The following ATL2 variants were observed in gnomAD, a reference collection of about 807,000 sequenced individuals.
ATL2 encodes atlastin-2.
In ATL2, 31 loss-of-function variants were observed where a neutral mutation model predicts 73.9. That is an observed-to-expected ratio of 0.42 (90% confidence interval 0.32 to 0.57). The LOEUF (loss-of-function observed/expected upper bound fraction) is 0.57, where lower values mean the gene tolerates loss of function less well. Ranked by LOEUF, ATL2 falls within the 20% of genes least tolerant of loss-of-function variation. The probability of loss-of-function intolerance (pLI) is 0.14; values close to 1 mark genes in which losing one functional copy is unlikely to be tolerated. For synonymous variants in ATL2, 291 were observed against 237.5 expected (o/e 1.23, Z -2.07); for missense variants, 738 against 702.6 (o/e 1.05, Z -0.57).
intron 1 of ATL2, among the ~76,000 whole-genome samples, chr2:38,368,600 T>G (rs1671488112): frequency 6.6e-6 from 1 of 152,154 alleles, no homozygotes; most frequent in African/African-American, 2.4e-5. Context: ...AGACTAAGAC[T>G]ACCACTAATA....
At chr2:38,303,161 T>A (rs1667271439) in intron 9 of ATL2, among the ~76,000 whole-genome samples, 1 of 152,070 alleles carries the variant, frequency 6.6e-6, no homozygotes, top group Non-Finnish European at 1.5e-5. Flanking sequence ...AAATCCTGGA[T>A]CCGAAAAATG....
intron 1 of ATL2, among the ~76,000 whole-genome samples, chr2:38,374,760 T>G (rs1387012413): frequency 6.6e-6 from 1 of 152,246 alleles, no homozygotes; most frequent in East Asian, 1.9e-4. Context: ...GCTAGCTGCC[T>G]AATACCAACT....
intron 7 of ATL2, among the ~76,000 whole-genome samples, chr2:38,312,485 C>A (rs1026218441): frequency 1.5e-4 from 23 of 151,948 alleles, no homozygotes; most frequent in Non-Finnish European, 1.5e-5. Context: ...CCGAGGTAGG[C>A]CGATCACAAG....
Position 38,309,396 on chromosome 2 carries a change from G to T in ATL2, c.1054C>A (p.Leu352Ile), listed in dbSNP as rs1482270945. Reference protein sequence around the residue: ...ISGSKVTCRDLVEYFKAYIKI... With the variant: ...ISGSKVTCRDIVEYFKAYIKI... ...TCACCTACCTTAAAATATTCTACAA[G>T]ATCTCTACAAGTGACTTTAGATCCA... Residue 352 changes from leucine to isoleucine, a missense_variant, in exon 9 of 13, where the codon CTT (leucine) becomes ATT (isoleucine). Leu to Ile is a conservative substitution (Grantham distance 5, BLOSUM62 2). Coordinates refer to ENST00000378954, the MANE Select transcript of ATL2 (RefSeq NM_001135673.4). 1.2e-6 allele frequency: 2 copies of T among 1,609,056 alleles called. No individual in the cohort carries two copies. Among genetic ancestry groups the T allele is most frequent in the East Asian group, 4.5e-5 (2 of 44,742 alleles).
intron 5 of ATL2, 32 bp downstream of exon 5, chr2:38,315,252 A>G (rs369663934): frequency 6.9e-7 from 1 of 1,457,302 alleles, no homozygotes; most frequent in Non-Finnish European, 9.0e-7. Flanking sequence ...ACTCCATCTC[A>G]AAAAATAAAA....
At chr2:38,348,447 C>A (rs1188729647) in intron 1 of ATL2, among the ~76,000 whole-genome samples, 3 of 149,052 alleles carry the variant, frequency 2.0e-5, no homozygotes, top group Admixed American at 6.6e-5. Flanking sequence ...GCCTGGGCAA[C>A]AAGAGCGAAA....
Position 38,298,329 on chromosome 2 carries a change from A to G in ATL2, c.1447T>C (p.Phe483Leu), listed in dbSNP as rs908740848. Residue 483 changes from phenylalanine (F) to leucine (L), a missense_variant, in exon 12 of 13, where the codon TTT becomes CTT. Coordinates refer to ENST00000378954, the MANE Select transcript of ATL2 (RefSeq NM_001135673.4). The part of the protein sequence containing the change: ...RTPATLFAVM[F>L]AMYIISGLTG... ...AGTCCTGAGATTATATACATAGCAA[A>G]CATGACCGCAAACAGTGTGGCTGGG... 3.1e-6 allele frequency: 5 copies of G among 1,614,076 alleles called. No homozygotes were observed. In the African/African-American group the frequency reaches 6.7e-5, roughly 22 times the overall value.
intron 1 of ATL2, among the ~76,000 whole-genome samples, chr2:38,370,257 A>C (rs1671601229): frequency 6.8e-6 from 1 of 146,380 alleles, no homozygotes; most frequent in Admixed American, 6.9e-5. Flanking sequence ...TGAGGTCAGG[A>C]GTTTGAAACC....
In ATL2 at chr2:38,298,176, T is replaced by A; in HGVS notation, c.1600A>T (p.Ile534Phe). The A allele has an allele frequency of 1.9e-6, 3 of 1,613,758 alleles. No homozygotes were observed. The highest frequency in any genetic ancestry group is 2.5e-6 in the Non-Finnish European group (3 of 1,179,832). ...CATAGTGTTTCAGCAATCTGATCAATCACTGTTCCAATTTCTCTGAACTCC... is the reference window on the plus strand; with the variant it reads ...CATAGTGTTTCAGCAATCTGATCAAACACTGTTCCAATTTCTCTGAACTCC... Reference protein sequence around the residue: ...SGEFREIGTVIDQIAETLWEQ... With the variant: ...SGEFREIGTVFDQIAETLWEQ... The change falls in exon 12 of 13, where the codon ATT becomes TTT. Residue 534 changes from isoleucine to phenylalanine, a missense_variant. Coordinates refer to ENST00000378954, the MANE Select transcript of ATL2 (RefSeq NM_001135673.4).
At chr2:38,354,126 C>A (rs1352576270) in intron 1 of ATL2, 1 of 411,320 alleles carries the variant, frequency 2.4e-6, no homozygotes. Context: ...CGGGAGGTTG[C>A]AGTAAGCGAA....
chr2:38,348,919 A>G (rs1422823829), intron 1 of ATL2, among the ~76,000 whole-genome samples: 1 of 152,240 alleles, frequency 6.6e-6, no homozygotes, highest in Non-Finnish European at 1.5e-5. Context: ...CACACATGAA[A>G]AAATGCTCAT....
intron 2 of ATL2, among the ~76,000 whole-genome samples, chr2:38,328,040 G>A (rs1668767796): frequency 6.6e-6 from 1 of 152,126 alleles, no homozygotes. Flanking sequence ...TAGAAGTAAA[G>A]GTATGGGAAA....
At chr2:38,307,113 T>C (rs959820822) in intron 9 of ATL2, among the ~76,000 whole-genome samples, 2 of 152,026 alleles carry the variant, frequency 1.3e-5, no homozygotes, top group Non-Finnish European at 2.9e-5. Flanking sequence ...ATCCCAGCAC[T>C]TTGGGAGGCA....
chr2:38,334,183 C>G (rs1406058653), intron 2 of ATL2, among the ~76,000 whole-genome samples: 1 of 151,832 alleles, frequency 6.6e-6, no homozygotes, highest in Non-Finnish European at 1.5e-5. Flanking sequence ...GCACCTGCCA[C>G]CACCCCTGGC....
At chr2:38,308,543 T>A (rs1043390604) in intron 9 of ATL2, among the ~76,000 whole-genome samples, 2 of 152,036 alleles carry the variant, frequency 1.3e-5, no homozygotes, top group African/African-American at 4.8e-5. Context: ...TTTGATAGCA[T>A]AACAATGTAG....
intron 1 of ATL2, among the ~76,000 whole-genome samples, chr2:38,372,535 C>T (rs2124504464): frequency 6.6e-6 from 1 of 152,208 alleles, no homozygotes; most frequent in East Asian, 1.9e-4. Context: ...TGGAAACTGC[C>T]ATAACCTTAA....
chr2:38,306,301 A>G (rs1415760601), intron 9 of ATL2, among the ~76,000 whole-genome samples: 12 of 152,320 alleles, frequency 7.9e-5, no homozygotes, highest in African/African-American at 2.4e-4. Flanking sequence ...TCATTGCTGA[A>G]TTTTATCAAA....
At chr2:38,325,659 A>G (rs1168257055) in intron 2 of ATL2, among the ~76,000 whole-genome samples, 12 of 5,760 alleles carry the variant, frequency 2.1e-3, no homozygotes, top group Admixed American at 0.018. Flanking sequence ...CACACACACC[A>G]GTACACACAC....
At chr2:38,376,185 T>C (rs910211345) in intron 1 of ATL2, 5 of 1,520,620 alleles carry the variant, frequency 3.3e-6, no homozygotes, top group South Asian at 1.2e-5. Flanking sequence ...ACCATCAAAA[T>C]TTTCAATCAG....
Sources: allele counts gnomAD v4.1 joint callset (sites outside exome capture counted in the v4.1 genomes callset), GRCh38; gene constraint gnomAD v4.1.1; transcripts MANE v1.5; gene names NCBI Gene and HGNC (gene_info 2026-07-23, HGNC 2026-07-21).